The following IPPK variants were observed in gnomAD, a reference collection of about 807,000 sequenced individuals.
IPPK encodes the protein inositol-pentakisphosphate 2-kinase, also known as IPK1 homolog.
IPPK carries 22 observed loss-of-function variants against 64.6 expected under a neutral mutation model. The ratio of observed to expected loss-of-function variants is 0.34; its 90% CI spans 0.24 to 0.49. IPPK has a LOEUF of 0.49. IPPK is among the 20% of genes least tolerant of loss of function. The probability of loss-of-function intolerance (pLI) is 0.99; values close to 1 mark genes in which losing one functional copy is unlikely to be tolerated. For missense variants in IPPK, 532 were observed against 630.7 expected, an observed-to-expected ratio of 0.84 and a Z score of 1.68; for synonymous variants, 262 against 247.2, an observed-to-expected ratio of 1.06 and a Z score of -0.56.
intron 1 of IPPK, among the ~76,000 whole-genome samples, chr9:92,661,831 G>A (rs1366058595): frequency 6.6e-6 from 1 of 152,246 alleles, no homozygotes; most frequent in Non-Finnish European, 1.5e-5. Context: ...ACTGCCCCAT[G>A]TGAGGGACCT....
intron 1 of IPPK, among the ~76,000 whole-genome samples, chr9:92,661,258 T>G (rs1852477661): frequency 6.6e-6 from 1 of 152,168 alleles, no homozygotes; most frequent in African/African-American, 2.4e-5. Flanking sequence ...AGCCTCAGCC[T>G]GGAGAGAAGC....
intron 11 of IPPK, among the ~76,000 whole-genome samples, chr9:92,624,104 G>A (rs1851692924): frequency 6.6e-6 from 1 of 152,190 alleles, no homozygotes; most frequent in African/African-American, 2.4e-5. Context: ...TGGGACACCA[G>A]GTGGGAGGAC....
intron 11 of IPPK, among the ~76,000 whole-genome samples, chr9:92,624,642 A>G (rs1342869722): frequency 6.6e-6 from 1 of 152,206 alleles, no homozygotes; most frequent in African/African-American, 2.4e-5. Context: ...TCAAAAAAAC[A>G]AAAATAAAAA....
chr9:92,669,184 T>C (rs1038540433), intron 1 of IPPK, among the ~76,000 whole-genome samples: 2 of 147,834 alleles, frequency 1.4e-5, no homozygotes, highest in African/African-American at 4.9e-5. Context: ...CCCTCCCCCG[T>C]TCCAGCCGGC....
chr9:92,653,789 C>G (rs2131454636), intron 3 of IPPK, among the ~76,000 whole-genome samples: 1 of 152,294 alleles, frequency 6.6e-6, no homozygotes, highest in African/African-American at 2.4e-5. Context: ...GCAGAGGTTG[C>G]AGTGAGCTGA....
chr9:92,639,651 A>G (rs1015881612), intron 8 of IPPK, among the ~76,000 whole-genome samples: 1 of 152,226 alleles, frequency 6.6e-6, no homozygotes, highest in Non-Finnish European at 1.5e-5. Flanking sequence ...CTGGGATAAC[A>G]TGCCAGCCTT....
chr9:92,651,575 C>T (rs907235704), intron 4 of IPPK, among the ~76,000 whole-genome samples: 1 of 152,260 alleles, frequency 6.6e-6, no homozygotes, highest in African/African-American at 2.4e-5. Context: ...GGGCCAGGCC[C>T]TCCCTCCTGA....
At chr9:92,618,947 C>A (rs775816785) in intron 12 of IPPK, 5 of 278,506 alleles carry the variant, frequency 1.8e-5, no homozygotes, top group Non-Finnish European at 2.8e-5. Flanking sequence ...TTATCAGTTT[C>A]ATCCCGAATT....
intron 12 of IPPK, 61 bp from the exon 13 acceptor site, chr9:92,616,118 G>T: frequency 1.7e-6 from 2 of 1,150,320 alleles, no homozygotes; most frequent in East Asian, 2.5e-5. Context: ...CCTCCCTCCC[G>T]TTCTCTCTCC....
chr9:92,654,540 A>G lies in IPPK; in HGVS notation c.226-1901T>C, dbSNP rs560672790. Reference sequence around the variant, plus strand: ...AAAACAAAAACAAACAAATACTGACAGTAAGCATCCTCTTAAAAGTCCAAC... The same window carrying G: ...AAAACAAAAACAAACAAATACTGACGGTAAGCATCCTCTTAAAAGTCCAAC... On this transcript the variant is annotated intron_variant, in intron 3 of 12. Transcript: ENST00000287996. Among the ~76,000 whole-genome samples the G allele has an allele frequency of 2.0e-5, 3 of 152,328 alleles. No homozygotes were observed. In the South Asian group the frequency reaches 6.2e-4, roughly 32 times the overall value.
chr9:92,648,269 G>A (rs1313626054), intron 5 of IPPK, 121 bp from the exon 6 acceptor site: 5 of 736,304 alleles, frequency 6.8e-6, no homozygotes, highest in African/African-American at 1.8e-5. Context: ...AATGGCCCCA[G>A]AAGCTGTTTT....
chr9:92,646,747 G>C (rs1852157656), intron 6 of IPPK, among the ~76,000 whole-genome samples: 1 of 152,144 alleles, frequency 6.6e-6, no homozygotes, highest in Non-Finnish European at 1.5e-5. Flanking sequence ...CACGAGGTCA[G>C]GAGATTGAAA....
intron 1 of IPPK, among the ~76,000 whole-genome samples, chr9:92,665,777 T>C (rs1473004512): frequency 1.3e-5 from 2 of 152,110 alleles, no homozygotes; most frequent in African/African-American, 4.8e-5. Flanking sequence ...AAAATAATCA[T>C]TTAAATTATT....
chr9:92,649,050 C>G (rs919281457), intron 5 of IPPK, among the ~76,000 whole-genome samples: 1 of 152,214 alleles, frequency 6.6e-6, no homozygotes, highest in Non-Finnish European at 1.5e-5. Flanking sequence ...AAACAGCAGC[C>G]AAGCACCAAG....
chr9:92,615,860 T>A lies in IPPK; in HGVS notation c.1448A>T (p.Asp483Val). The part of the protein sequence containing the change: ...VMSTRFKESE[D>V]CTLVLHKV The stretch of plus-strand genomic sequence containing the variant: ...GACCTTGTGGAGAACTAATGTGCAA[T>A]CTTCGCTTTCCTTGAACCGAGTCGA... Residue 483 changes from aspartate (D) to valine (V), a missense_variant, in exon 13 of 13, where the codon GAT becomes GTT. Asp to Val is a radical substitution (Grantham distance 152, BLOSUM62 -3). Transcript: ENST00000287996. The A allele has an allele frequency of 1.2e-6, 2 of 1,614,082 alleles. No individual in the cohort carries two copies. The highest frequency in any genetic ancestry group is 1.7e-6 in the Non-Finnish European group (2 of 1,179,906).
intron 11 of IPPK, 108 bp from the exon 12 acceptor site, chr9:92,619,673 C>T: frequency 2.9e-6 from 3 of 1,021,414 alleles, no homozygotes; most frequent in South Asian, 1.4e-5. Context: ...TGCCTCAGAA[C>T]CTGAGGGTGG....
At chr9:92,658,510 T>G in intron 2 of IPPK, 124 bp downstream of exon 2, 1 of 821,172 alleles carries the variant, frequency 1.2e-6, no homozygotes, top group Non-Finnish European at 2.0e-6. Flanking sequence ...CACCACTTTC[T>G]GCACTGAATG....
intron 6 of IPPK, among the ~76,000 whole-genome samples, chr9:92,644,111 T>C (rs1256403923): frequency 1.3e-5 from 2 of 152,098 alleles, no homozygotes; most frequent in Non-Finnish European, 2.9e-5. Flanking sequence ...GAAGGGGTGA[T>C]GTTGGTGAAA....
At chr9:92,638,387 C>G (rs1188951353) in intron 8 of IPPK, 107 bp from the exon 9 acceptor site, 2 of 1,305,004 alleles carry the variant, frequency 1.5e-6, no homozygotes, top group Non-Finnish European at 2.1e-6. Flanking sequence ...AGCCAAGGGC[C>G]CTGATGCTGT....
Sources: allele counts gnomAD v4.1 joint callset (sites outside exome capture counted in the v4.1 genomes callset), GRCh38; gene constraint gnomAD v4.1.1; transcripts MANE v1.5; gene names NCBI Gene and HGNC (gene_info 2026-07-23, HGNC 2026-07-21).